CTNNA3: variants seen among roughly 807,000 people sequenced by gnomAD.
The protein encoded by CTNNA3 is catenin alpha 3, also known as catenin alpha-3.
In CTNNA3, 76 loss-of-function variants were observed where a neutral mutation model predicts 95.7. That is an observed-to-expected ratio of 0.79 (90% CI 0.66 to 0.96). The LOEUF (loss-of-function observed/expected upper bound fraction) is 0.96, where lower values mean the gene tolerates loss of function less well. CTNNA3 is among the 40% of genes least tolerant of loss of function. The pLI is 0.00. For missense variants in CTNNA3, 1,191 were observed against 1,089.8 expected (o/e 1.09, Z -1.31); for synonymous variants, 431 against 374.4 (o/e 1.15, Z -1.74).
chr10:67,338,052 A>G (rs1842056741), intron 5 of CTNNA3, among the ~76,000 whole-genome samples: 1 of 152,300 alleles, frequency 6.6e-6, no homozygotes, highest in African/African-American at 2.4e-5. Context: ...CTTGAAATGT[A>G]TTAATTAATT....
intron 1 of CTNNA3, among the ~76,000 whole-genome samples, chr10:67,664,546 TATC>T (rs1564818250): frequency 6.6e-6 from 1 of 152,208 alleles, no homozygotes; most frequent in Non-Finnish European, 1.5e-5. Context: ...ACACCAGAGT[TATC>T]ATTGAGAATT....
chr10:66,012,533 A>G (rs1458706331), intron 15 of CTNNA3, among the ~76,000 whole-genome samples: 3 of 152,202 alleles, frequency 2.0e-5, no homozygotes, highest in Non-Finnish European at 4.4e-5. Flanking sequence ...AAAAGATAAA[A>G]CTAAGTAAAA....
intron 5 of CTNNA3, among the ~76,000 whole-genome samples, chr10:67,256,998 AT>A (rs1866377140): frequency 6.6e-6 from 1 of 152,218 alleles, no homozygotes; most frequent in South Asian, 2.1e-4. Flanking sequence ...CTTTGCTAAG[AT>A]TTTATGCTTA....
chr10:66,638,683 T>C (rs1845416545), intron 9 of CTNNA3, among the ~76,000 whole-genome samples: 1 of 152,126 alleles, frequency 6.6e-6, no homozygotes, highest in Admixed American at 6.6e-5. Flanking sequence ...CTCTACATAA[T>C]CAATGTACTG....
intron 4 of CTNNA3, among the ~76,000 whole-genome samples, chr10:67,537,073 T>C (rs1840509009): frequency 6.6e-6 from 1 of 152,174 alleles, no homozygotes; most frequent in Non-Finnish European, 1.5e-5. Context: ...ATATAATTGT[T>C]TTACTACACA....
intron 7 of CTNNA3, among the ~76,000 whole-genome samples, chr10:66,787,781 A>C (rs1391249398): frequency 1.3e-5 from 2 of 152,234 alleles, no homozygotes; most frequent in Admixed American, 1.3e-4. Flanking sequence ...TACATGTTTC[A>C]CCACATCCTT....
chr10:67,674,480 A>G (rs1227601458), intron 1 of CTNNA3, among the ~76,000 whole-genome samples: 2 of 152,112 alleles, frequency 1.3e-5, no homozygotes, highest in African/African-American at 4.8e-5. Flanking sequence ...ACAATTCAGA[A>G]GTAGAATTTC....
chr10:67,651,880 C>A (rs1839887719), intron 1 of CTNNA3, among the ~76,000 whole-genome samples: 1 of 152,142 alleles, frequency 6.6e-6, no homozygotes, highest in South Asian at 2.1e-4. Flanking sequence ...CAGATTGGCA[C>A]CTAGATGTCC....
At chr10:67,237,949 C>T (rs1299004365) in intron 5 of CTNNA3, among the ~76,000 whole-genome samples, 3 of 151,862 alleles carry the variant, frequency 2.0e-5, no homozygotes, top group Admixed American at 2.0e-4. Context: ...TGGGAGAGAT[C>T]CAGGAAATTT....
In CTNNA3 at chr10:67,751,055, G is replaced by A. The variant is rs532910637; in HGVS notation, c.-2+12379C>T. Reference sequence around the variant, plus strand: ...TCCATTTCCATATCCAGAGGAATGTGACTGTGATCCCCAAGTCTGTGACAC... The same window carrying A: ...TCCATTTCCATATCCAGAGGAATGTAACTGTGATCCCCAAGTCTGTGACAC... On this transcript the variant is annotated intron_variant, in intron 1 of 17. Coordinates refer to the CTNNA3 transcript ENST00000684154. The A allele has an allele frequency of 1.1e-5, 17 of 1,500,350 alleles. No individual in the cohort carries two copies. The South Asian group carries it at 1.8e-4, about 16-fold the overall frequency. 92.9% of individuals were successfully genotyped at this position (1,500,350 alleles called of 1,614,324 possible).
In CTNNA3 at chr10:66,964,085, C is replaced by T. The variant is rs532195817; in HGVS notation, c.1048-188561G>A. ...CAGGATGGTCTCGATCTTCTGACCTCGTGATCTGCCTGCCTCAGCCTCCCA... is the reference window on the plus strand; with the variant it reads ...CAGGATGGTCTCGATCTTCTGACCTTGTGATCTGCCTGCCTCAGCCTCCCA... On this transcript the variant is annotated intron_variant, in intron 7 of 17. Coordinates refer to ENST00000433211, the MANE Select transcript of CTNNA3 (RefSeq NM_013266.4). Among the ~76,000 whole-genome samples, 102 of 151,958 alleles carry T rather than the reference C, an allele frequency of 6.7e-4. 1 individual carries two copies. The highest frequency in any genetic ancestry group is 2.0e-3 in the African/African-American group (83 of 41,454).
intron 11 of CTNNA3, among the ~76,000 whole-genome samples, chr10:66,468,357 G>C (rs16923117): frequency 0.062 from 9,416 of 152,014 alleles, 609 homozygotes; most frequent in African/African-American, 0.16. Flanking sequence ...ATACAACAAG[G>C]CATCTTTTAA....
At chr10:67,101,239 A>G (rs908479398) in intron 7 of CTNNA3, among the ~76,000 whole-genome samples, 6 of 151,782 alleles carry the variant, frequency 4.0e-5, no homozygotes, top group African/African-American at 1.2e-4. Flanking sequence ...GGAAAAAACC[A>G]AAGACCTTCT....
chr10:67,411,367 G>A (rs1845361647), intron 5 of CTNNA3, among the ~76,000 whole-genome samples: 2 of 152,040 alleles, frequency 1.3e-5, no homozygotes, highest in Admixed American at 6.6e-5. Flanking sequence ...TTACTCAAAG[G>A]TTAATTTAAT....
intron 14 of CTNNA3, among the ~76,000 whole-genome samples, chr10:66,069,941 C>T (rs1022025200): frequency 2.0e-5 from 3 of 151,970 alleles, no homozygotes; most frequent in Non-Finnish European, 4.4e-5. Context: ...ATTAGTCATG[C>T]CTCAACTTTA....
intron 6 of CTNNA3, among the ~76,000 whole-genome samples, chr10:67,188,818 G>T (rs1201381642): frequency 6.6e-6 from 1 of 152,032 alleles, no homozygotes; most frequent in Non-Finnish European, 1.5e-5. Flanking sequence ...CCTTTAAAAA[G>T]AAAACAATCT....
chr10:67,434,984 G>T (rs747970568), intron 5 of CTNNA3, among the ~76,000 whole-genome samples: 1 of 151,904 alleles, frequency 6.6e-6, no homozygotes, highest in African/African-American at 2.4e-5. Context: ...GGTAGCCTCC[G>T]AAGCAGTGTG....
intron 9 of CTNNA3, among the ~76,000 whole-genome samples, chr10:66,633,605 A>G (rs895257204): frequency 6.6e-6 from 1 of 152,048 alleles, no homozygotes; most frequent in African/African-American, 2.4e-5. Context: ...GCGTGAACCC[A>G]GAAGGCAGAG....
rs12416477 is a variant in CTNNA3 at position 66,285,555 on chromosome 10, C to T, written c.1733-4934G>A. On this transcript the variant is annotated intron_variant, in intron 12 of 17. Transcript: ENST00000433211. ...ATCATTTTCTAATTTGTTTACATCACAGTAATCATTTACACAAATGTGACT... is the reference window on the plus strand; with the variant it reads ...ATCATTTTCTAATTTGTTTACATCATAGTAATCATTTACACAAATGTGACT... 2.9e-3 allele frequency among the ~76,000 whole-genome samples: 442 copies of T among 151,908 alleles called. 8 individuals are homozygous for T. Among genetic ancestry groups the T allele is most frequent in the Admixed American group, 0.015 (224 of 15,218 alleles).
Sources: allele counts gnomAD v4.1 joint callset (sites outside exome capture counted in the v4.1 genomes callset), GRCh38; gene constraint gnomAD v4.1.1; transcripts MANE v1.5; gene names NCBI Gene and HGNC (gene_info 2026-07-23, HGNC 2026-07-21).